The following HIVEP1 variants were observed in gnomAD, a reference collection of about 807,000 sequenced individuals.
HIVEP1 encodes the protein zinc finger protein 40.
HIVEP1 carries 36 observed loss-of-function variants against 180.0 expected under a neutral mutation model. That is an observed-to-expected ratio of 0.20 (90% confidence interval 0.15 to 0.26). HIVEP1 has a LOEUF of 0.26. HIVEP1 is among the 10% of genes least tolerant of loss of function. The pLI is 1.00. For synonymous variants in HIVEP1, 1,239 were observed against 1,239.0 expected (o/e 1.00, Z 0.00); for missense variants, 3,143 against 3,268.7 (o/e 0.96, Z 0.94).
intron 7 of HIVEP1, among the ~76,000 whole-genome samples, chr6:12,146,145 C>T (rs1046921831): frequency 2.6e-5 from 4 of 152,188 alleles, no homozygotes; most frequent in East Asian, 1.9e-4. Flanking sequence ...TATTAATTTT[C>T]GAATTAGATA....
chr6:12,168,974 G>A (rs552667925), downstream of HIVEP1, among the ~76,000 whole-genome samples: 31 of 141,068 alleles, frequency 2.2e-4, no homozygotes, highest in Middle Eastern at 3.5e-3. Context: ...TGCAACCTCT[G>A]CCTCCCAGGT....
chr6:12,161,381 A>T, intron 7 of HIVEP1, 58 bp from the exon 8 acceptor site: 1 of 1,520,338 alleles, frequency 6.6e-7, no homozygotes, highest in Non-Finnish European at 8.8e-7. Flanking sequence ...AATTTTTAAA[A>T]TAGCACTTGT....
intron 2 of HIVEP1, among the ~76,000 whole-genome samples, chr6:12,051,785 A>G (rs1770559347): frequency 6.6e-6 from 1 of 152,098 alleles, no homozygotes; most frequent in Admixed American, 6.6e-5. Flanking sequence ...ATAAATCTTT[A>G]TAAACGCTTA....
the HIVEP1 span, among the ~76,000 whole-genome samples, chr6:12,191,622 T>C: frequency 6.6e-6 from 1 of 152,034 alleles, no homozygotes; most frequent in Non-Finnish European, 1.5e-5. Context: ...TAAAAATGAA[T>C]ACAATTTTTA....
intron 7 of HIVEP1, among the ~76,000 whole-genome samples, chr6:12,157,117 A>G (rs959182362): frequency 7.2e-5 from 11 of 152,158 alleles, no homozygotes; most frequent in Non-Finnish European, 1.6e-4. Context: ...TGATATTAGT[A>G]TAGTTTCTGC....
intron 2 of HIVEP1, among the ~76,000 whole-genome samples, chr6:12,031,830 C>T (rs1267656032): frequency 6.6e-6 from 1 of 152,152 alleles, no homozygotes; most frequent in African/African-American, 2.4e-5. Context: ...ATTTGTCACT[C>T]CTCACTTTGT....
intron 2 of HIVEP1, among the ~76,000 whole-genome samples, chr6:12,020,583 G>A (rs954013717): frequency 6.6e-6 from 1 of 152,066 alleles, no homozygotes; most frequent in Non-Finnish European, 1.5e-5. Flanking sequence ...TGCCTCTTCC[G>A]TTGTGATAAA....
At chr6:12,019,118 G>T (rs1768022736) in intron 2 of HIVEP1, among the ~76,000 whole-genome samples, 1 of 152,204 alleles carries the variant, frequency 6.6e-6, no homozygotes, top group South Asian at 2.1e-4. Context: ...GCACACTAAA[G>T]CCACCTCAGT....
At position 12,072,070 on chromosome 6, in the gene HIVEP1, T is replaced by C. The variant is rs1042371750; in HGVS notation, c.41-17114T>C. ...TGGACCTCATAGTCTGCAGTCTTTGTCACATATTCTTCTTCTTTTTTTTTT... is the reference window on the plus strand; with the variant it reads ...TGGACCTCATAGTCTGCAGTCTTTGCCACATATTCTTCTTCTTTTTTTTTT... On this transcript the variant is annotated intron_variant, in intron 2 of 8. Coordinates refer to ENST00000379388, the MANE Select transcript of HIVEP1 (RefSeq NM_002114.4). Among the ~76,000 whole-genome samples, 5 of 149,540 alleles carry C rather than the reference T, an allele frequency of 3.3e-5. No homozygotes were observed. In the East Asian group the frequency reaches 9.7e-4, roughly 29 times the overall value.
intron 7 of HIVEP1, among the ~76,000 whole-genome samples, chr6:12,155,950 C>A (rs946847649): frequency 6.6e-6 from 1 of 152,226 alleles, no homozygotes; most frequent in Non-Finnish European, 1.5e-5. Flanking sequence ...GCCGTTCTGA[C>A]TGGCCTGAGA....
intron 4 of HIVEP1, among the ~76,000 whole-genome samples, chr6:12,127,912 G>A (rs932242083): frequency 1.3e-5 from 2 of 152,196 alleles, no homozygotes; most frequent in African/African-American, 4.8e-5. Flanking sequence ...TGGCTATGGA[G>A]CATGGATTAC....
chr6:12,179,123 C>T, the HIVEP1 span, among the ~76,000 whole-genome samples: 3 of 152,176 alleles, frequency 2.0e-5, no homozygotes, highest in East Asian at 1.9e-4. Context: ...TAGCTCTGGA[C>T]GTCCCTGGAG....
At chr6:12,109,162 T>A (rs560473929) in intron 3 of HIVEP1, among the ~76,000 whole-genome samples, 5 of 151,762 alleles carry the variant, frequency 3.3e-5, no homozygotes, top group South Asian at 2.1e-4. Flanking sequence ...TAAATTTTTT[T>A]AAATTTTTTG....
At chr6:12,156,192 G>C (rs1170842340) in intron 7 of HIVEP1, among the ~76,000 whole-genome samples, 2 of 152,158 alleles carry the variant, frequency 1.3e-5, no homozygotes, top group African/African-American at 2.4e-5. Context: ...CTCCCATTCT[G>C]TAGGTTGTGT....
intron 2 of HIVEP1, among the ~76,000 whole-genome samples, chr6:12,071,704 T>C (rs1771978284): frequency 6.6e-6 from 1 of 152,214 alleles, no homozygotes; most frequent in South Asian, 2.1e-4. Flanking sequence ...AGTTTTGTGT[T>C]ATTAAAAAAT....
intron 2 of HIVEP1, among the ~76,000 whole-genome samples, chr6:12,079,265 A>G (rs903050729): frequency 1.3e-5 from 2 of 152,130 alleles, no homozygotes; most frequent in Admixed American, 6.6e-5. Context: ...ATATATTTAA[A>G]TAGTTTTTGT....
chr6:12,122,155 T>A lies in HIVEP1; in HGVS notation c.2360T>A (p.Ile787Lys). The A allele has an allele frequency of 6.2e-7, 1 of 1,614,190 alleles. No homozygotes were observed. The highest frequency in any genetic ancestry group is 8.5e-7 in the Non-Finnish European group (1 of 1,180,004). Residue 787 changes from isoleucine (I) to lysine (K), a missense_variant, in exon 4 of 9, where the codon ATA becomes AAA. This residue lies in a region of HIVEP1 where 32 missense variants were observed against 70.0 expected (regional missense o/e 0.46). Coordinates refer to ENST00000379388, the MANE Select transcript of HIVEP1 (RefSeq NM_002114.4). ...RGSIDSPKSY[I>K]FKDSFQFDLK... is the part of the protein sequence containing the mutation. ...AGCATTGATTCCCCCAAATCATACA[T>A]ATTTAAAGATTCTTTCCAGTTTGAT...
intron 7 of HIVEP1, among the ~76,000 whole-genome samples, chr6:12,158,829 G>A (rs1760220452): frequency 6.6e-6 from 1 of 152,156 alleles, no homozygotes; most frequent in Non-Finnish European, 1.5e-5. Flanking sequence ...TGTTTTCCTG[G>A]TGGAGACAGG....
the HIVEP1 span, among the ~76,000 whole-genome samples, chr6:12,175,071 G>A: frequency 6.6e-6 from 1 of 152,122 alleles, no homozygotes; most frequent in African/African-American, 2.4e-5. Context: ...ACAAATTTAT[G>A]ACTAAATAGG....
Sources: gnomAD v4.1 joint callset for allele counts (sites outside exome capture counted in the v4.1 genomes callset) on GRCh38, gnomAD v4.1.1 for gene constraint, gnomAD v4.1.1 regional missense constraint, MANE v1.5 for transcripts, NCBI Gene and HGNC (gene_info 2026-07-23, HGNC 2026-07-21) for gene names.